Variants in OCA2 observed in about 807,000 individuals in gnomAD.
OCA2 encodes the protein OCA2 melanosomal transmembrane protein.
In OCA2, 77 loss-of-function variants were observed where a neutral mutation model predicts 100.2. The ratio of observed to expected loss-of-function variants is 0.77; its 90% CI spans 0.64 to 0.93. OCA2 has a LOEUF of 0.93. Among genes scored for constraint, OCA2 ranks in the 40% least tolerant of loss-of-function variants. The pLI, the probability that OCA2 is intolerant of heterozygous loss-of-function variation, is 0.00. For missense variants in OCA2, 1,062 were observed against 1,089.1 expected (o/e 0.98, Z 0.35); for synonymous variants, 432 against 439.2 (o/e 0.98, Z 0.21).
At chr15:28,059,726 A>G (rs1354273437) in intron 2 of OCA2, among the ~76,000 whole-genome samples, 1 of 152,230 alleles carries the variant, frequency 6.6e-6, no homozygotes, top group Non-Finnish European at 1.5e-5. Flanking sequence ...AGGGAAGAGC[A>G]AATCTCCTCT....
At chr15:28,047,993 G>A (rs2043393953) in intron 2 of OCA2, among the ~76,000 whole-genome samples, 1 of 151,976 alleles carries the variant, frequency 6.6e-6, no homozygotes, top group East Asian at 1.9e-4. Context: ...TCTGAAAAAG[G>A]AAATTAAGAA....
intron 23 of OCA2, among the ~76,000 whole-genome samples, chr15:27,842,306 A>T (rs1006083274): frequency 6.6e-6 from 1 of 152,236 alleles, no homozygotes; most frequent in East Asian, 1.9e-4. Flanking sequence ...AATTACGATC[A>T]GTGGCTATTT....
intron 14 of OCA2, among the ~76,000 whole-genome samples, chr15:27,967,358 C>T (rs1027486492): frequency 6.6e-6 from 1 of 152,054 alleles, no homozygotes; most frequent in Non-Finnish European, 1.5e-5. Context: ...TGTCGAAAAC[C>T]AAAAACCAAT....
chr15:28,040,881 C>T (rs532082518), intron 2 of OCA2, among the ~76,000 whole-genome samples: 1 of 152,036 alleles, frequency 6.6e-6, no homozygotes, highest in African/African-American at 2.4e-5. Flanking sequence ...GATGAGATAG[C>T]CTTACTGGTG....
chr15:28,095,728 AAAAG>A (rs2044964797), intron 1 of OCA2, among the ~76,000 whole-genome samples: 1 of 152,134 alleles, frequency 6.6e-6, no homozygotes, highest in South Asian at 2.1e-4. Context: ...AAAAAAAAAA[AAAAG>A]AACATTGTTC....
At chr15:27,992,143 G>A (rs574381869) in intron 9 of OCA2, among the ~76,000 whole-genome samples, 15 of 150,790 alleles carry the variant, frequency 9.9e-5, no homozygotes, top group Non-Finnish European at 2.1e-4. Context: ...CTCCGTTGCC[G>A]AGGCTGGAGT....
At chr15:27,964,585 T>C (rs1243227040) in intron 15 of OCA2, among the ~76,000 whole-genome samples, 1 of 152,126 alleles carries the variant, frequency 6.6e-6, no homozygotes, top group Non-Finnish European at 1.5e-5. Context: ...GCCAGTCCAT[T>C]GGGGAGGGGG....
intron 23 of OCA2, among the ~76,000 whole-genome samples, chr15:27,759,476 A>C (rs1008785447): frequency 2.6e-5 from 4 of 152,176 alleles, no homozygotes; most frequent in African/African-American, 9.7e-5. Context: ...AAAAGCACGG[A>C]TAAAGAATAA....
chr15:27,986,278 C>T (rs886259484), intron 12 of OCA2, among the ~76,000 whole-genome samples: 3 of 152,174 alleles, frequency 2.0e-5, no homozygotes, highest in Non-Finnish European at 4.4e-5. Flanking sequence ...TATTGGGATA[C>T]TCTAATATGT....
chr15:28,089,651 C>G (rs1025330428), intron 1 of OCA2, among the ~76,000 whole-genome samples: 1 of 152,182 alleles, frequency 6.6e-6, no homozygotes, highest in African/African-American at 2.4e-5. Flanking sequence ...CTGAATACAT[C>G]AACTAAAAGA....
chr15:27,738,508 G>A, the OCA2 span, among the ~76,000 whole-genome samples: 1 of 152,176 alleles, frequency 6.6e-6, no homozygotes, highest in Non-Finnish European at 1.5e-5. Flanking sequence ...GGCCGAGGCG[G>A]GCAGATCACG....
chr15:28,009,461 G>C (rs138671309), intron 9 of OCA2, among the ~76,000 whole-genome samples: 2,045 of 152,238 alleles, frequency 0.013, 43 homozygotes, highest in African/African-American at 0.047. Flanking sequence ...ACCGAGGCAG[G>C]CAGATCACTT....
At chr15:27,775,063 C>CGTATGT (rs1555404290) in intron 23 of OCA2, among the ~76,000 whole-genome samples, 5 of 142,938 alleles carry the variant, frequency 3.5e-5, no homozygotes, top group Non-Finnish European at 7.7e-5. Context: ...TTTTAGAACT[C>CGTATGT]GTGTGTGTGT....
intron 19 of OCA2, among the ~76,000 whole-genome samples, chr15:27,888,982 T>C (rs2037345078): frequency 6.6e-6 from 1 of 152,140 alleles, no homozygotes; most frequent in South Asian, 2.1e-4. Context: ...TAGGTTACTG[T>C]GGAAGCTCAT....
intron 23 of OCA2, among the ~76,000 whole-genome samples, chr15:27,842,732 A>C (rs926724088): frequency 8.5e-5 from 13 of 152,232 alleles, no homozygotes; most frequent in African/African-American, 2.7e-4. Flanking sequence ...GGGACTAATG[A>C]GCTTTCAAGG....
the OCA2 span, among the ~76,000 whole-genome samples, chr15:27,719,114 C>T: frequency 1.3e-5 from 2 of 152,212 alleles, no homozygotes; most frequent in Non-Finnish European, 2.9e-5. Context: ...TCCTATACTA[C>T]TGCTCAAGCA....
At chr15:28,014,522 T>C (rs940302252) in intron 9 of OCA2, among the ~76,000 whole-genome samples, 8 of 152,196 alleles carry the variant, frequency 5.3e-5, no homozygotes, top group Non-Finnish European at 1.0e-4. Flanking sequence ...GAAAATCGTA[T>C]GCACATTCTG....
chr15:27,834,330 G>A (rs1208419411), intron 23 of OCA2, among the ~76,000 whole-genome samples: 1 of 152,184 alleles, frequency 6.6e-6, no homozygotes, highest in Non-Finnish European at 1.5e-5. Flanking sequence ...ACTCCATGGG[G>A]ACAGAAGTTC....
At chr15:27,934,943 G>T (rs191505359) in intron 18 of OCA2, among the ~76,000 whole-genome samples, 1 of 152,082 alleles carries the variant, frequency 6.6e-6, no homozygotes, top group Non-Finnish European at 1.5e-5. Flanking sequence ...GCATAAGCTC[G>T]TCTGCTTGGT....
Sources: gnomAD v4.1 joint callset for allele counts (sites outside exome capture counted in the v4.1 genomes callset) on GRCh38, gnomAD v4.1.1 for gene constraint, MANE v1.5 for transcripts, NCBI Gene and HGNC (gene_info 2026-07-23, HGNC 2026-07-21) for gene names.